Variants in KLK5 observed in about 807,000 individuals in gnomAD.
KLK5 encodes the protein kallikrein related peptidase 5, also known as kallikrein-5.
A neutral mutation model predicts 24.0 loss-of-function variants in KLK5; 18 were observed. That is an observed-to-expected ratio of 0.75 (90% CI 0.52 to 1.11). KLK5 has a LOEUF of 1.11. KLK5 is among the 50% of genes most tolerant of loss of function. The probability of loss-of-function intolerance (pLI) is 0.00; values close to 1 mark genes in which losing one functional copy is unlikely to be tolerated. For missense variants in KLK5, 374 were observed against 379.2 expected (o/e 0.99, Z 0.11); for synonymous variants, 140 against 154.0 (o/e 0.91, Z 0.67).
In KLK5 at chr19:50,949,943, CG is replaced by C. The variant is rs1394105754; in HGVS notation, c.246del (p.Ala83ArgfsTer4). ...AGCTGGTTGGGCCTTAGCAACAGCGCGGCCTGCCACGGCTGGGTGTGCATAT... is the reference window on the plus strand; with the variant it reads ...AGCTGGTTGGGCCTTAGCAACAGCGCGCCTGCCACGGCTGGGTGTGCATAT... ...DCDMHTQPWQ[A>X]ALLLRPNQLY... On this transcript the variant is annotated frameshift_variant, in exon 3 of 6. Transcript: ENST00000336334. LOFTEE classifies it high-confidence loss of function. The C allele has an allele frequency of 2.5e-6, 4 of 1,613,566 alleles. No homozygotes were observed. The highest frequency in any genetic ancestry group is 2.5e-6 in the Non-Finnish European group (3 of 1,179,990).
intron 2 of KLK5, among the ~76,000 whole-genome samples, chr19:50,950,481 C>T (rs1295644187): frequency 2.0e-5 from 3 of 152,004 alleles, no homozygotes; most frequent in Non-Finnish European, 4.4e-5. Context: ...TGGAACTGGT[C>T]TCAAGAAGTG....
At chr19:50,951,561 C>A (rs1335791126) in intron 2 of KLK5, among the ~76,000 whole-genome samples, 1 of 152,156 alleles carries the variant, frequency 6.6e-6, no homozygotes, top group Non-Finnish European at 1.5e-5. Context: ...CGTGAGCCAC[C>A]GCGCCCGGCC....
At position 50,943,751 on chromosome 19, in the gene KLK5, G is replaced by C; in HGVS notation, c.762C>G (p.Ser254=). The change falls in exon 6 of 6, where the codon TCC becomes TCG. Residue 254 remains serine, a synonymous_variant. Transcript: ENST00000336334. Reference sequence around the variant, plus strand: ...CTCCCCAGGACACGAGTCCCTGCAGGGAGCCATTGCAGACCACAGGCCCCC... The same window carrying C: ...CTCCCCAGGACACGAGTCCCTGCAGCGAGCCATTGCAGACCACAGGCCCCC... The part of the protein sequence containing the change: ...DSGGPVVCNG[S]LQGLVSWGDY... 1 of 1,613,886 alleles carries C rather than the reference G, an allele frequency of 6.2e-7. No individual in the cohort carries two copies. The highest frequency in any genetic ancestry group is 8.5e-7 in the Non-Finnish European group (1 of 1,179,870).
Position 50,952,971 on chromosome 19 carries a change from G to A in KLK5, c.-236C>T. 3 of 250,678 alleles carry A rather than the reference G, an allele frequency of 1.2e-5. No homozygotes were observed. Among genetic ancestry groups the A allele is most frequent in the Non-Finnish European group, 7.6e-6 (1 of 131,934 alleles). The allele number at this position is 250,678 out of a possible 1,614,324, so 15.5% of individuals were successfully genotyped here. A position where few individuals can be genotyped will look rare whatever the true frequency, so the allele number is the denominator to read the frequency against. The stretch of plus-strand genomic sequence containing the variant: ...TTGCCCTGTCCCCCAGGTAGGGGGT[G>A]GGGGATTTGCTCCCAGCTCAGCCGC... On this transcript the variant is annotated 5_prime_UTR_variant, in exon 1 of 6. Coordinates refer to ENST00000336334, the MANE Select transcript of KLK5 (RefSeq NM_012427.5).
At chr19:50,950,227 G>C (rs1032313484) in intron 2 of KLK5, 111 bp from the exon 3 acceptor site, 2 of 1,018,784 alleles carry the variant, frequency 2.0e-6, no homozygotes. Context: ...GACATGCTGA[G>C]GGGGCAGGGG....
intron 3 of KLK5, 131 bp from the exon 4 acceptor site, chr19:50,949,246 C>T: frequency 1.2e-6 from 1 of 814,794 alleles, no homozygotes; most frequent in Non-Finnish European, 1.9e-6. Flanking sequence ...CCTCAACTCC[C>T]TCTTGGTCTC....
intron 5 of KLK5, among the ~76,000 whole-genome samples, chr19:50,945,624 C>G (rs553554552): frequency 1.5e-3 from 193 of 132,184 alleles, no homozygotes; most frequent in African/African-American, 5.0e-3. Context: ...GGAACCCCAT[C>G]TCTACGGAAA....
intron 3 of KLK5, among the ~76,000 whole-genome samples, 167 bp downstream of exon 3, chr19:50,949,688 C>T (rs2090666502): frequency 1.3e-5 from 2 of 151,568 alleles, no homozygotes; most frequent in Non-Finnish European, 2.9e-5. Flanking sequence ...TCCTCCTGCT[C>T]CCACATCCCC....
At chr19:50,951,117 G>A (rs1488697154) in intron 2 of KLK5, among the ~76,000 whole-genome samples, 3 of 151,990 alleles carry the variant, frequency 2.0e-5, no homozygotes, top group Admixed American at 2.0e-4. Flanking sequence ...CCACATGGAG[G>A]GGAAGAGCAG....
Position 50,952,805 on chromosome 19 carries a change from G to C in KLK5, c.-70C>G. 1 of 534,918 alleles carries C rather than the reference G, an allele frequency of 1.9e-6. No homozygotes were observed. The highest frequency in any genetic ancestry group is 3.3e-6 in the Non-Finnish European group (1 of 306,130). 33.1% of individuals were successfully genotyped at this position (534,918 alleles called of 1,614,324 possible). ...CGGGCCACCATCGGCACTGCGCTGA[G>C]ACCCAGGCACTATAGAATTCAGAAG... On this transcript the variant is annotated 5_prime_UTR_variant, in exon 1 of 6. Coordinates refer to ENST00000336334, the MANE Select transcript of KLK5 (RefSeq NM_012427.5).
Position 50,948,884 on chromosome 19 carries a change from G to A in KLK5, c.567C>T (p.Gly189=), listed in dbSNP as rs141244771. The change falls in exon 4 of 6, where the codon GGC becomes GGT. Residue 189 remains glycine, a synonymous_variant. Coordinates refer to ENST00000336334, the MANE Select transcript of KLK5 (RefSeq NM_012427.5). ...CTTGGGGGCTCTTGGTTGTCCCCCA[G>A]CCAGACACCAAGCACTTTGTCCCAG... ...PSAGTKCLVS[G]WGTTKSPQVH... is the part of the protein sequence containing the mutation. 3 of 1,613,958 alleles carry A rather than the reference G, an allele frequency of 1.9e-6. No individual in the cohort carries two copies. The African/African-American group carries it at 4.0e-5, about 22-fold the overall frequency.
chr19:50,943,507 T>C lies in KLK5; in HGVS notation c.*124A>G. The C allele has an allele frequency of 2.2e-6, 2 of 897,960 alleles. No homozygotes were observed. Among genetic ancestry groups the C allele is most frequent in the African/African-American group, 1.7e-5 (1 of 60,364 alleles). 55.6% of individuals were successfully genotyped at this position (897,960 alleles called of 1,614,324 possible). A position where few individuals can be genotyped will look rare whatever the true frequency, so the allele number is the denominator to read the frequency against. On this transcript the variant is annotated 3_prime_UTR_variant, in exon 6 of 6. Transcript: ENST00000336334. Reference sequence around the variant, plus strand: ...AAGCAGACCCTGAGTCCAGGAGACATGGGGTCAGGGGCTGGAGAGATGAAC... The same window carrying C: ...AAGCAGACCCTGAGTCCAGGAGACACGGGGTCAGGGGCTGGAGAGATGAAC...
chr19:50,951,849 A>G (rs1477263647), intron 2 of KLK5, among the ~76,000 whole-genome samples: 1 of 152,122 alleles, frequency 6.6e-6, no homozygotes, highest in East Asian at 1.9e-4. Context: ...TCTTCTGCAC[A>G]CAGGCACACA....
chr19:50,943,806 G>C lies in KLK5; in HGVS notation c.727-20C>G. 6.2e-7 allele frequency: 1 copy of C among 1,601,316 alleles called. No homozygotes were observed. Among genetic ancestry groups the C allele is most frequent in the Non-Finnish European group, 8.5e-7 (1 of 1,171,216 alleles). ...ATCACCCTGCAGGAGAGAAAGGGGG[G>C]CATGAGAGAGGCAGAGATGTGGCAA... On this transcript the variant is annotated intron_variant, in intron 5 of 5. Coordinates refer to ENST00000336334, the MANE Select transcript of KLK5 (RefSeq NM_012427.5).
intron 2 of KLK5, among the ~76,000 whole-genome samples, chr19:50,951,422 G>A (rs540992966): frequency 4.6e-5 from 7 of 152,098 alleles, no homozygotes; most frequent in East Asian, 1.9e-4. Context: ...ACAGGCACGC[G>A]CCACCACACC....
At chr19:50,949,811 A>AACCC in intron 3 of KLK5, 44 bp downstream of exon 3, 1 of 251,080 alleles carries the variant, frequency 4.0e-6, no homozygotes, top group Non-Finnish European at 6.3e-6. Flanking sequence ...CCCCACCCCC[A>AACCC]CTTCCCCGTC....
chr19:50,947,277 C>T lies in KLK5; in HGVS notation c.726+1363G>A, dbSNP rs1259574303. ...CCAGCGTCACTTTCTACTGTTGCCC[C>T]CACTTTTGTTCTCCAGTTGCATTGG... On this transcript the variant is annotated intron_variant, in intron 5 of 5. Coordinates refer to ENST00000336334, the MANE Select transcript of KLK5 (RefSeq NM_012427.5). This position sits in a 1 kb window ranked among gnomAD's most constrained non-coding sequence, Gnocchi z 8.7. Among the ~76,000 whole-genome samples the T allele has an allele frequency of 6.6e-6, 1 of 152,186 alleles. No individual in the cohort carries two copies. Among genetic ancestry groups the T allele is most frequent in the African/African-American group, 2.4e-5 (1 of 41,446 alleles).
chr19:50,948,268 C>T (rs1449963992), intron 5 of KLK5, among the ~76,000 whole-genome samples: 4 of 151,980 alleles, frequency 2.6e-5, no homozygotes, highest in Admixed American at 1.3e-4. Flanking sequence ...ATTACAGGCG[C>T]CCGCCACCAT....
At chr19:50,945,425 A>G (rs547905398) in intron 5 of KLK5, among the ~76,000 whole-genome samples, 71 of 151,860 alleles carry the variant, frequency 4.7e-4, no homozygotes, top group African/African-American at 3.4e-4. Flanking sequence ...CTGGTGCAAA[A>G]TAGCCACTCG....
Sources: allele counts gnomAD v4.1 joint callset (sites outside exome capture counted in the v4.1 genomes callset), GRCh38; gene constraint gnomAD v4.1.1; non-coding constraint Gnocchi (gnomAD v3.1); transcripts MANE v1.5; gene names NCBI Gene and HGNC (gene_info 2026-07-23, HGNC 2026-07-21).